NOX4: variants seen among roughly 807,000 people sequenced by gnomAD.
NOX4 encodes kidney oxidase-1.
In NOX4, 69 loss-of-function variants were observed where a neutral mutation model predicts 87.6. The observed-to-expected ratio is 0.79, with a 90% confidence interval of 0.65 to 0.96. The LOEUF is 0.96. Among genes scored for constraint, NOX4 ranks in the 40% least tolerant of loss-of-function variants. The probability of loss-of-function intolerance (pLI) is 0.00; values close to 1 mark genes in which losing one functional copy is unlikely to be tolerated. For missense variants in NOX4, 680 were observed against 681.5 expected, an observed-to-expected ratio of 1.00 and a Z score of 0.02; for synonymous variants, 275 against 238.2, an observed-to-expected ratio of 1.15 and a Z score of -1.42.
the NOX4 span, among the ~76,000 whole-genome samples, chr11:89,576,657 A>C: frequency 6.6e-6 from 1 of 152,148 alleles, no homozygotes; most frequent in Non-Finnish European, 1.5e-5. Flanking sequence ...ACATTATTCA[A>C]TTTCCAGGCA....
At chr11:89,428,554 G>T (rs1218020552) in intron 7 of NOX4, among the ~76,000 whole-genome samples, 2 of 151,692 alleles carry the variant, frequency 1.3e-5, no homozygotes, top group African/African-American at 4.9e-5. Context: ...AAAAAGGCAG[G>T]GGTTGCAATC....
the NOX4 span, among the ~76,000 whole-genome samples, chr11:89,533,383 GT>G: frequency 6.6e-6 from 1 of 150,894 alleles, no homozygotes; most frequent in Admixed American, 6.6e-5. Flanking sequence ...GCCTTTAGAA[GT>G]TCACAGTCTA....
the NOX4 span, among the ~76,000 whole-genome samples, chr11:89,515,740 G>A: frequency 7.8e-3 from 1,187 of 151,942 alleles, 17 homozygotes; most frequent in African/African-American, 0.026. Context: ...TATGGCATGG[G>A]ACGATTAATA....
At chr11:89,463,949 G>GAACAT (rs1200143097) in intron 2 of NOX4, among the ~76,000 whole-genome samples, 2 of 151,928 alleles carry the variant, frequency 1.3e-5, no homozygotes, top group African/African-American at 4.8e-5. Context: ...CATATGATAA[G>GAACAT]AACATTTTAG....
chr11:89,587,115 A>C, the NOX4 span, among the ~76,000 whole-genome samples: 1 of 152,210 alleles, frequency 6.6e-6, no homozygotes, highest in East Asian at 1.9e-4. Flanking sequence ...GTTGAGGAAA[A>C]AGACTGAATG....
the NOX4 span, among the ~76,000 whole-genome samples, chr11:89,551,976 C>A: frequency 6.6e-6 from 1 of 151,900 alleles, no homozygotes; most frequent in East Asian, 1.9e-4. Context: ...TCCAATGATT[C>A]TCTTACACAC....
Position 89,444,116 on chromosome 11 carries a change from G to C in NOX4, c.447+19C>G, listed in dbSNP as rs1944576842. 6.2e-7 allele frequency: 1 copy of C among 1,606,096 alleles called. No individual in the cohort carries two copies. The highest frequency in any genetic ancestry group is 1.7e-5 in the Admixed American group (1 of 59,832). On this transcript the variant is annotated intron_variant, in intron 5 of 17. Transcript: ENST00000263317. The stretch of plus-strand genomic sequence containing the variant: ...CTCATGACAAGTGAAAGAAAAATGG[G>C]AAGACAGAGACCACCCACCTCATCT...
rs762796776 is a variant in NOX4 at position 89,444,138 on chromosome 11, A to G, written c.444T>C (p.Asp148=). The G allele has an allele frequency of 1.2e-6, 2 of 1,613,084 alleles. No homozygotes were observed. Among genetic ancestry groups the G allele is most frequent in the Non-Finnish European group, 1.7e-6 (2 of 1,179,310 alleles). The change falls in exon 5 of 18, where the codon GAT becomes GAC. Residue 148 remains aspartate (D), a synonymous_variant. Coordinates refer to ENST00000263317, the MANE Select transcript of NOX4 (RefSeq NM_016931.5). ...FVELNAARYR[D]EDPRKLLFTT... is the part of the protein sequence containing the mutation. The stretch of plus-strand genomic sequence containing the variant: ...TGGGAAGACAGAGACCACCCACCTC[A>G]TCTCGGTATCTTGCTGCATTCAGTT...
chr11:89,512,034 TTGAATTTTTTACCTGATA>T, the NOX4 span, among the ~76,000 whole-genome samples: 2 of 152,092 alleles, frequency 1.3e-5, no homozygotes, highest in African/African-American at 4.8e-5. Context: ...AAATTTTTAT[TTGAATTTTTTACCTGATA>T]TGTTATCAGC....
the NOX4 span, among the ~76,000 whole-genome samples, chr11:89,555,755 T>G: frequency 1.3e-5 from 2 of 152,022 alleles, no homozygotes; most frequent in Non-Finnish European, 2.9e-5. Flanking sequence ...AAATTATTGA[T>G]CAATCAGGAA....
intron 11 of NOX4, among the ~76,000 whole-genome samples, chr11:89,386,881 C>T (rs1940749259): frequency 1.3e-5 from 2 of 152,106 alleles, no homozygotes; most frequent in African/African-American, 4.8e-5. Context: ...TTGTTTTTCT[C>T]CTTCTCTTAT....
chr11:89,584,886 T>G, the NOX4 span, among the ~76,000 whole-genome samples: 5 of 152,172 alleles, frequency 3.3e-5, no homozygotes, highest in Non-Finnish European at 5.9e-5. Context: ...AAATGATAGA[T>G]TGCTCATATA....
intron 4 of NOX4, among the ~76,000 whole-genome samples, 154 bp downstream of exon 4, chr11:89,449,286 T>G (rs1847695148): frequency 6.6e-6 from 1 of 152,188 alleles, no homozygotes; most frequent in Non-Finnish European, 1.5e-5. Context: ...TATGTTAATA[T>G]ATCTGCAGGC....
At chr11:89,539,637 C>T in the NOX4 span, among the ~76,000 whole-genome samples, 18 of 152,104 alleles carry the variant, frequency 1.2e-4, no homozygotes, top group South Asian at 3.5e-3. Flanking sequence ...CTTTCTCTAA[C>T]TTTCTTAGAG....
At chr11:89,456,529 T>C (rs1325374302) in intron 2 of NOX4, among the ~76,000 whole-genome samples, 2 of 152,032 alleles carry the variant, frequency 1.3e-5, no homozygotes, top group African/African-American at 2.4e-5. Context: ...TGGATGCAGT[T>C]AGGACACAGA....
chr11:89,550,607 T>G, the NOX4 span, among the ~76,000 whole-genome samples: 1 of 152,222 alleles, frequency 6.6e-6, no homozygotes, highest in Non-Finnish European at 1.5e-5. Flanking sequence ...TTGAGAAGTG[T>G]GTGTTCATAT....
Position 89,490,563 on chromosome 11 carries a change from T to A in NOX4, c.58-10A>T. Reference sequence around the variant, plus strand: ...TGGAGAGCCAGATGAACTAAACCAATCAGACATGAGAGACAGAAAACAAAA... The same window carrying A: ...TGGAGAGCCAGATGAACTAAACCAAACAGACATGAGAGACAGAAAACAAAA... On this transcript the variant is annotated splice_polypyrimidine_tract_variant and intron_variant, in intron 1 of 17. Transcript: ENST00000263317. 3 of 1,606,974 alleles carry A rather than the reference T, an allele frequency of 1.9e-6. No homozygotes were observed. Among genetic ancestry groups the A allele is most frequent in the Non-Finnish European group, 2.6e-6 (3 of 1,173,686 alleles).
At chr11:89,398,822 C>A (rs1941651788) in intron 11 of NOX4, among the ~76,000 whole-genome samples, 1 of 151,710 alleles carries the variant, frequency 6.6e-6, no homozygotes, top group South Asian at 2.1e-4. Context: ...AAATAAATTA[C>A]AGTACTTTCC....
In NOX4 at chr11:89,467,069, C is replaced by T. The variant is rs1389538096; in HGVS notation, c.154-15174G>A. 2.0e-5 allele frequency among the ~76,000 whole-genome samples: 3 copies of T among 152,178 alleles called. No homozygotes were observed. The East Asian group carries it at 5.8e-4, about 29-fold the overall frequency. ...GTTACATTAAGAATGTCTTTATCGG[C>T]CGGGCACGGTGGCTCACACCTGTAA... On this transcript the variant is annotated intron_variant, in intron 2 of 17. Transcript: ENST00000263317.
Sources: allele counts gnomAD v4.1 joint callset (sites outside exome capture counted in the v4.1 genomes callset), GRCh38; gene constraint gnomAD v4.1.1; transcripts MANE v1.5; gene names NCBI Gene and HGNC (gene_info 2026-07-23, HGNC 2026-07-21).